The following GINS1 variants were observed in gnomAD, a reference collection of about 807,000 sequenced individuals.
GINS1 encodes the protein DNA replication complex GINS protein PSF1.
A neutral mutation model predicts 34.9 loss-of-function variants in GINS1; 26 were observed. That is an observed-to-expected ratio of 0.74 (90% CI 0.55 to 1.03). The LOEUF (loss-of-function observed/expected upper bound fraction) is 1.03, where lower values mean the gene tolerates loss of function less well. Ranked by LOEUF, GINS1 falls within the 50% of genes least tolerant of loss-of-function variation. GINS1 has a pLI of 0.00. For missense variants in GINS1, 235 were observed against 237.9 expected, an observed-to-expected ratio of 0.99 and a Z score of 0.08; for synonymous variants, 97 against 84.4, an observed-to-expected ratio of 1.15 and a Z score of -0.82.
intron 5 of GINS1, among the ~76,000 whole-genome samples, chr20:25,432,492 A>T (rs932279690): frequency 6.6e-6 from 1 of 151,566 alleles, no homozygotes; most frequent in Non-Finnish European, 1.5e-5. Flanking sequence ...TTTTAGACAG[A>T]GTCTTGCTCT....
At chr20:25,418,447 G>T (rs1282989654) in intron 4 of GINS1, among the ~76,000 whole-genome samples, 1 of 152,130 alleles carries the variant, frequency 6.6e-6, no homozygotes, top group Non-Finnish European at 1.5e-5. Flanking sequence ...CCATCAGTGG[G>T]ATTAAAAAAC....
intron 4 of GINS1, among the ~76,000 whole-genome samples, chr20:25,421,191 A>G (rs6076348): frequency 0.22 from 33,796 of 152,234 alleles, 4,742 homozygotes; most frequent in Non-Finnish European, 0.31. Context: ...GAATAAAAAG[A>G]AAATAATAAT....
intron 1 of GINS1, among the ~76,000 whole-genome samples, chr20:25,413,188 A>T (rs562022468): frequency 6.2e-4 from 94 of 151,898 alleles, no homozygotes; most frequent in African/African-American, 2.2e-3. Context: ...AATAGCTGGG[A>T]TTACAGCCTG....
intron 5 of GINS1, 113 bp from the exon 6 acceptor site, chr20:25,441,589 A>G: frequency 1.6e-6 from 1 of 623,014 alleles, no homozygotes; most frequent in Non-Finnish European, 2.9e-6. Flanking sequence ...GTACATGGAG[A>G]GGAAACAAAC....
intron 6 of GINS1, among the ~76,000 whole-genome samples, chr20:25,445,667 GAGA>G (rs956970560): frequency 2.6e-5 from 4 of 152,094 alleles, no homozygotes; most frequent in African/African-American, 9.7e-5. Context: ...TTTTTTAGTA[GAGA>G]CGCGGTTTCT....
At chr20:25,440,462 T>C (rs879763299) in intron 5 of GINS1, among the ~76,000 whole-genome samples, 3 of 151,644 alleles carry the variant, frequency 2.0e-5, no homozygotes, top group African/African-American at 4.8e-5. Flanking sequence ...GGACATGGAG[T>C]AGTCTTTTTA....
intron 5 of GINS1, among the ~76,000 whole-genome samples, chr20:25,437,812 A>G (rs2090461719): frequency 6.6e-6 from 1 of 152,092 alleles, no homozygotes; most frequent in Admixed American, 6.6e-5. Flanking sequence ...GACATTACCA[A>G]CAGTTTTCAG....
At chr20:25,408,933 G>A (rs1332545297) in intron 1 of GINS1, 1 of 977,966 alleles carries the variant, frequency 1.0e-6, no homozygotes, top group Non-Finnish European at 1.2e-6. Flanking sequence ...CACAAAAACA[G>A]ATAATAGAAT....
At chr20:25,425,181 T>A (rs369903663) in intron 4 of GINS1, 30 bp from the exon 5 acceptor site, 12 of 938,304 alleles carry the variant, frequency 1.3e-5, no homozygotes, top group African/African-American at 3.3e-5. Flanking sequence ...TTCTTAGAAT[T>A]TTGTCAAATG....
chr20:25,445,145 A>G (rs777125737), intron 6 of GINS1, among the ~76,000 whole-genome samples: 24 of 152,256 alleles, frequency 1.6e-4, no homozygotes, highest in Admixed American at 8.5e-4. Context: ...TCAGAATTCC[A>G]TACAGCTCTA....
chr20:25,429,132 G>C (rs1447358324), intron 5 of GINS1, among the ~76,000 whole-genome samples: 1 of 151,800 alleles, frequency 6.6e-6, no homozygotes, highest in African/African-American at 2.4e-5. Context: ...GAGACTAAAG[G>C]CGCCTACCAC....
rs150857260 is a variant in GINS1 at position 25,446,189 on chromosome 20, C to G, written c.*198C>G. 99 of 423,110 alleles carry G rather than the reference C, an allele frequency of 2.3e-4. No homozygotes were observed. Among genetic ancestry groups the G allele is most frequent in the African/African-American group, 1.7e-3 (83 of 49,252 alleles). The allele number at this position is 423,110 out of a possible 1,614,324, so 26.2% of individuals were successfully genotyped here. A position where few individuals can be genotyped will look rare whatever the true frequency, so the allele number is the denominator to read the frequency against. Reference sequence around the variant, plus strand: ...TTTTTAATGTTGTACACTATTCTTCCTACTCTTTTTTGGTTTTGGTTTTGT... The same window carrying G: ...TTTTTAATGTTGTACACTATTCTTCGTACTCTTTTTTGGTTTTGGTTTTGT... On this transcript the variant is annotated 3_prime_UTR_variant, in exon 7 of 7. Transcript: ENST00000262460.
Position 25,418,160 on chromosome 20 carries a change from C to T in GINS1, c.295C>T (p.Pro99Ser), listed in dbSNP as rs1189374707. The change falls in exon 4 of 7, where the codon CCA (proline) becomes TCA (serine). Residue 99 changes from proline to serine, a missense_variant. Pro to Ser is a moderately conservative substitution (Grantham distance 74, BLOSUM62 -1). Transcript: ENST00000262460. ...ALRWEYGSVL[P>S]NALRFHMAAE... ...CAGATGGGAATATGGTAGCGTCTTG[C>T]CAAATGCATTACGATTTCACATGGC... The T allele has an allele frequency of 1.2e-6, 2 of 1,601,550 alleles. No homozygotes were observed. The highest frequency in any genetic ancestry group is 1.7e-5 in the Admixed American group (1 of 60,006).
chr20:25,439,739 G>A (rs1430095564), intron 5 of GINS1, among the ~76,000 whole-genome samples: 1 of 152,102 alleles, frequency 6.6e-6, no homozygotes, highest in African/African-American at 2.4e-5. Context: ...GCTCATGCCT[G>A]TAATCCTAGC....
At chr20:25,408,749 A>G (rs985495273) in intron 1 of GINS1, 4 of 166,872 alleles carry the variant, frequency 2.4e-5, no homozygotes, top group African/African-American at 9.6e-5. Context: ...TTTCAGCTAT[A>G]TATGCATAGG....
At chr20:25,418,391 T>A (rs1287931288) in intron 4 of GINS1, among the ~76,000 whole-genome samples, 196 bp downstream of exon 4, 1 of 152,236 alleles carries the variant, frequency 6.6e-6, no homozygotes, top group African/African-American at 2.4e-5. Context: ...GAAAATTCTA[T>A]TATTACTTAA....
At chr20:25,408,749 A>C in intron 1 of GINS1, 3 of 166,992 alleles carry the variant, frequency 1.8e-5, no homozygotes, top group Non-Finnish European at 3.7e-5. Flanking sequence ...TTTCAGCTAT[A>C]TATGCATAGG....
At chr20:25,432,635 T>A (rs1227333685) in intron 5 of GINS1, among the ~76,000 whole-genome samples, 2 of 151,832 alleles carry the variant, frequency 1.3e-5, no homozygotes, top group African/African-American at 2.4e-5. Flanking sequence ...CCTGGCTAAT[T>A]TTTGTATTTT....
At chr20:25,418,716 T>G (rs959297448) in intron 4 of GINS1, among the ~76,000 whole-genome samples, 1 of 152,330 alleles carries the variant, frequency 6.6e-6, no homozygotes, top group African/African-American at 2.4e-5. Flanking sequence ...GCAATGACTT[T>G]TGACACTAAC....
Sources: allele counts gnomAD v4.1 joint callset (sites outside exome capture counted in the v4.1 genomes callset), GRCh38; gene constraint gnomAD v4.1.1; transcripts MANE v1.5; gene names NCBI Gene and HGNC (gene_info 2026-07-23, HGNC 2026-07-21).